The following NPAS3 variants were observed in gnomAD, a reference collection of about 807,000 sequenced individuals.
The protein encoded by NPAS3 is neuronal PAS domain-containing protein 3.
In NPAS3, 14 loss-of-function variants were observed where a neutral mutation model predicts 73.1. The observed-to-expected ratio is 0.19, with a 90% confidence interval of 0.13 to 0.30. The LOEUF is 0.30. Ranked by LOEUF, NPAS3 falls within the 10% of genes least tolerant of loss-of-function variation. NPAS3 has a pLI of 1.00. For synonymous variants in NPAS3, 620 were observed against 541.5 expected, an observed-to-expected ratio of 1.14 and a Z score of -2.01; for missense variants, 1,096 against 1,250.0, an observed-to-expected ratio of 0.88 and a Z score of 1.86.
chr14:33,752,058 G>T (rs2061979526), intron 7 of NPAS3, among the ~76,000 whole-genome samples: 1 of 151,876 alleles, frequency 6.6e-6, no homozygotes, highest in Admixed American at 6.6e-5. Flanking sequence ...TATATTCCTG[G>T]ATTGAATGAT....
chr14:33,090,904 C>A (rs907463401), intron 2 of NPAS3, among the ~76,000 whole-genome samples: 26 of 152,146 alleles, frequency 1.7e-4, no homozygotes, highest in African/African-American at 6.3e-4. Context: ...CTACTGGGTA[C>A]ATAACGAAAT....
At chr14:33,226,177 C>G (rs185466975) in intron 3 of NPAS3, among the ~76,000 whole-genome samples, 1 of 152,262 alleles carries the variant, frequency 6.6e-6, no homozygotes, top group African/African-American at 2.4e-5. Flanking sequence ...AGCAAATGAT[C>G]CAGACTAAGG....
chr14:33,201,381 G>A (rs985186042), intron 2 of NPAS3, among the ~76,000 whole-genome samples: 2 of 151,900 alleles, frequency 1.3e-5, no homozygotes, highest in African/African-American at 4.8e-5. Flanking sequence ...ATTGCCCCTG[G>A]TGGCTCATTG....
At chr14:33,333,656 G>T (rs1454479964) in intron 3 of NPAS3, among the ~76,000 whole-genome samples, 1 of 152,086 alleles carries the variant, frequency 6.6e-6, no homozygotes, top group Non-Finnish European at 1.5e-5. Flanking sequence ...CATTTGGGTG[G>T]ATTGGTTTCA....
chr14:33,334,589 A>C (rs955429847), intron 3 of NPAS3, among the ~76,000 whole-genome samples: 1 of 152,184 alleles, frequency 6.6e-6, no homozygotes, highest in African/African-American at 2.4e-5. Context: ...TTATTTAACC[A>C]GGTTCCCCAG....
chr14:33,175,725 A>G (rs1232012312), intron 2 of NPAS3, among the ~76,000 whole-genome samples: 2 of 152,206 alleles, frequency 1.3e-5, no homozygotes, highest in Non-Finnish European at 2.9e-5. Context: ...GATTTTACAT[A>G]CAACATCCCA....
At chr14:33,368,100 G>A (rs2045924182) in intron 4 of NPAS3, among the ~76,000 whole-genome samples, 1 of 151,844 alleles carries the variant, frequency 6.6e-6, no homozygotes, top group South Asian at 2.1e-4. Flanking sequence ...GGGATATGTA[G>A]GCCGCTTACT....
At chr14:33,147,751 A>ATATATATG (rs1333569626) in intron 2 of NPAS3, among the ~76,000 whole-genome samples, 4 of 146,084 alleles carry the variant, frequency 2.7e-5, no homozygotes, top group Non-Finnish European at 4.5e-5. Context: ...ATATATATAT[A>ATATATATG]TATACACACA....
intron 3 of NPAS3, among the ~76,000 whole-genome samples, chr14:33,338,672 C>T (rs1387288812): frequency 1.3e-5 from 2 of 152,068 alleles, no homozygotes; most frequent in African/African-American, 4.8e-5. Flanking sequence ...TTATTAAAGA[C>T]CATTCTGTGT....
intron 5 of NPAS3, among the ~76,000 whole-genome samples, chr14:33,567,000 T>G (rs1055074986): frequency 8.5e-5 from 13 of 152,256 alleles, no homozygotes; most frequent in Non-Finnish European, 1.5e-4. Flanking sequence ...GAAAGTATTT[T>G]TCTTCCACAG....
At chr14:33,657,958 G>C (rs959047596) in intron 5 of NPAS3, among the ~76,000 whole-genome samples, 1 of 152,138 alleles carries the variant, frequency 6.6e-6, no homozygotes, top group Non-Finnish European at 1.5e-5. Flanking sequence ...CACGCTCCTC[G>C]AAGCTCCTAC....
intron 4 of NPAS3, among the ~76,000 whole-genome samples, chr14:33,460,089 G>T (rs1044455127): frequency 6.6e-6 from 1 of 152,198 alleles, no homozygotes; most frequent in African/African-American, 2.4e-5. Context: ...TCCACAAAAG[G>T]ACTACAAGGA....
intron 6 of NPAS3, among the ~76,000 whole-genome samples, chr14:33,718,987 G>A (rs1023896815): frequency 6.6e-6 from 1 of 152,102 alleles, no homozygotes; most frequent in Non-Finnish European, 1.5e-5. Context: ...ATCTAGCCAG[G>A]TGTGGTGGTG....
At chr14:33,476,357 A>C (rs2051035924) in intron 4 of NPAS3, among the ~76,000 whole-genome samples, 1 of 152,216 alleles carries the variant, frequency 6.6e-6, no homozygotes, top group Non-Finnish European at 1.5e-5. Flanking sequence ...AAACTGTAAT[A>C]TCCTTTCCTC....
At chr14:33,226,623 G>A (rs1169828866) in intron 3 of NPAS3, among the ~76,000 whole-genome samples, 1 of 152,106 alleles carries the variant, frequency 6.6e-6, no homozygotes, top group Admixed American at 6.6e-5. Context: ...AAATACAGTT[G>A]CTAGGAAATA....
At chr14:33,794,155 T>C in intron 10 of NPAS3, 111 bp downstream of exon 10, 1 of 929,464 alleles carries the variant, frequency 1.1e-6, no homozygotes, top group Non-Finnish European at 1.6e-6. Flanking sequence ...TGACAGTACC[T>C]GGTGTGGAAT....
chr14:33,512,557 G>T (rs1338095804), intron 4 of NPAS3, among the ~76,000 whole-genome samples: 1 of 152,040 alleles, frequency 6.6e-6, no homozygotes, highest in Non-Finnish European at 1.5e-5. Context: ...ATTTAATGGG[G>T]TCCCTGAGCA....
At chr14:33,618,628 C>T (rs963150589) in intron 5 of NPAS3, among the ~76,000 whole-genome samples, 15 of 152,180 alleles carry the variant, frequency 9.9e-5, no homozygotes, top group African/African-American at 3.6e-4. Flanking sequence ...TAACAGGCCA[C>T]GGTTGGTACC....
intron 3 of NPAS3, among the ~76,000 whole-genome samples, chr14:33,237,481 A>G (rs1214158919): frequency 3.9e-5 from 6 of 152,108 alleles, no homozygotes; most frequent in Non-Finnish European, 7.4e-5. Flanking sequence ...GGATGTTTCA[A>G]TCCCAGACCA....
Sources: allele counts gnomAD v4.1 joint callset (sites outside exome capture counted in the v4.1 genomes callset), GRCh38; gene constraint gnomAD v4.1.1; transcripts MANE v1.5; gene names NCBI Gene and HGNC (gene_info 2026-07-23, HGNC 2026-07-21).